Variants in HDAC9 observed in about 807,000 individuals in gnomAD.
HDAC9 encodes the protein MEF-2 interacting transcription repressor (MITR) protein.
In HDAC9, 41 loss-of-function variants were observed where a neutral mutation model predicts 139.4. The ratio of observed to expected loss-of-function variants is 0.29; its 90% CI spans 0.23 to 0.38. The LOEUF (loss-of-function observed/expected upper bound fraction) is 0.38, where lower values mean the gene tolerates loss of function less well. Ranked by LOEUF, HDAC9 falls within the 10% of genes least tolerant of loss-of-function variation. The pLI is 1.00. For missense variants in HDAC9, 1,147 were observed against 1,297.0 expected (o/e 0.88, Z 1.78); for synonymous variants, 517 against 476.2 (o/e 1.09, Z -1.12).
intron 5 of HDAC9, among the ~76,000 whole-genome samples, chr7:18,593,201 G>T (rs969806268): frequency 6.6e-6 from 1 of 151,956 alleles, no homozygotes; most frequent in African/African-American, 2.4e-5. Context: ...TTGTGATGGT[G>T]ATACTATGTC....
At chr7:18,591,761 T>G in intron 5 of HDAC9, 119 bp downstream of exon 5, 1 of 1,313,886 alleles carries the variant, frequency 7.6e-7, no homozygotes, top group Admixed American at 2.3e-5. Flanking sequence ...GTGGGCAAGT[T>G]CCTTCAGTTC....
At chr7:18,487,736 C>G (rs1347176258) in intron 1 of HDAC9, among the ~76,000 whole-genome samples, 1 of 152,014 alleles carries the variant, frequency 6.6e-6, no homozygotes, top group Non-Finnish European at 1.5e-5. Flanking sequence ...GCAACATTAA[C>G]CAAAAGTTGT....
intron 1 of HDAC9, among the ~76,000 whole-genome samples, chr7:18,152,612 G>C (rs1303268081): frequency 1.3e-5 from 2 of 152,100 alleles, no homozygotes; most frequent in Non-Finnish European, 2.9e-5. Context: ...GGGGTTCTTG[G>C]ACTGTACTCT....
intron 23 of HDAC9, chr7:18,949,593 A>T (rs1011789566): frequency 2.7e-5 from 5 of 187,878 alleles, no homozygotes; most frequent in Non-Finnish European, 5.7e-5. Flanking sequence ...ACGATGTGCA[A>T]TTCATCATAG....
chr7:18,979,479 C>T (rs1784758388), intron 25 of HDAC9, among the ~76,000 whole-genome samples: 1 of 152,074 alleles, frequency 6.6e-6, no homozygotes, highest in South Asian at 2.1e-4. Context: ...TTCTATGATA[C>T]CATTATGTTA....
At chr7:18,566,296 A>T (rs909223102) in intron 2 of HDAC9, among the ~76,000 whole-genome samples, 3 of 152,332 alleles carry the variant, frequency 2.0e-5, no homozygotes, top group Admixed American at 2.0e-4. Context: ...GTAGTTTTTA[A>T]TTAGATAAAG....
At position 18,751,554 on chromosome 7, in the gene HDAC9, T is replaced by C. The variant is rs189966648; in HGVS notation, c.2043+2416T>C. Among the ~76,000 whole-genome samples, 163 of 152,048 alleles carry C rather than the reference T, an allele frequency of 1.1e-3. 3 individuals carry two copies. Among genetic ancestry groups the C allele is most frequent in the Non-Finnish European group, 2.1e-4 (14 of 68,000 alleles). ...ATTAGCGAAGAAAGTATTGCCCATA[T>C]AAATTTATTTACTTTATGAAATTAT... is the stretch of plus-strand genomic sequence containing the variant. On this transcript the variant is annotated intron_variant, in intron 14 of 25. Transcript: ENST00000686413.
chr7:18,381,282 AC>A (rs1369054276), intron 1 of HDAC9, among the ~76,000 whole-genome samples: 1 of 151,760 alleles, frequency 6.6e-6, no homozygotes, highest in African/African-American at 2.4e-5. Context: ...TGTTAGAAAC[AC>A]AATTTTATTC....
intron 22 of HDAC9, among the ~76,000 whole-genome samples, chr7:18,905,724 C>G (rs1285142231): frequency 1.3e-5 from 2 of 152,152 alleles, no homozygotes; most frequent in African/African-American, 4.8e-5. Flanking sequence ...TGTAACATTC[C>G]AATTTCTAGA....
intron 2 of HDAC9, among the ~76,000 whole-genome samples, chr7:18,512,017 C>CAAAAAAAAA (rs11337572): frequency 1.0e-5 from 1 of 96,578 alleles, no homozygotes; most frequent in Non-Finnish European, 2.0e-5. Flanking sequence ...ATGAATTAAG[C>CAAAAAAAAA]AAAAAAAAAA....
Position 18,305,051 on chromosome 7 carries a change from T to C in HDAC9, c.-42+14536T>C, listed in dbSNP as rs1798818846. Among the ~76,000 whole-genome samples the C allele has an allele frequency of 2.0e-5, 3 of 152,192 alleles. No homozygotes were observed. In the South Asian group the frequency reaches 6.2e-4, roughly 32 times the overall value. ...ATAGGATAAGAAATCAGTTTTTTGCTCACACACTCTTCCTTCAGGGCAGGA... is the reference window on the plus strand; with the variant it reads ...ATAGGATAAGAAATCAGTTTTTTGCCCACACACTCTTCCTTCAGGGCAGGA... On this transcript the variant is annotated intron_variant, in intron 1 of 3. Transcript: ENST00000413509.
chr7:18,396,384 T>G (rs1447388422), intron 1 of HDAC9, among the ~76,000 whole-genome samples: 1 of 152,034 alleles, frequency 6.6e-6, no homozygotes, highest in African/African-American at 2.4e-5. Flanking sequence ...TGTAGAAGGG[T>G]GGAGGGATAG....
chr7:18,809,915 C>A (rs1217241583), intron 17 of HDAC9, among the ~76,000 whole-genome samples: 1 of 151,892 alleles, frequency 6.6e-6, no homozygotes, highest in Non-Finnish European at 1.5e-5. Flanking sequence ...TGTCATCTGC[C>A]CTCTCATGCT....
intron 2 of HDAC9, among the ~76,000 whole-genome samples, chr7:18,205,953 C>A (rs1470434297): frequency 6.6e-6 from 1 of 151,890 alleles, no homozygotes; most frequent in East Asian, 1.9e-4. Flanking sequence ...TTGGTAATAC[C>A]TTTGGGATTT....
intron 1 of HDAC9, among the ~76,000 whole-genome samples, chr7:18,332,188 G>T (rs1462622254): frequency 6.6e-6 from 1 of 151,638 alleles, no homozygotes; most frequent in Non-Finnish European, 1.5e-5. Flanking sequence ...TTCATTTAGA[G>T]ATTTTCAAAC....
intron 1 of HDAC9, among the ~76,000 whole-genome samples, chr7:18,291,939 C>T (rs996082522): frequency 6.6e-6 from 1 of 152,112 alleles, no homozygotes; most frequent in Non-Finnish European, 1.5e-5. Flanking sequence ...TTAGGCAACA[C>T]TGTTGGGCCT....
intron 1 of HDAC9, among the ~76,000 whole-genome samples, chr7:18,146,241 G>T (rs926923919): frequency 6.6e-6 from 1 of 152,042 alleles, no homozygotes; most frequent in African/African-American, 2.4e-5. Flanking sequence ...TGTTTCTTAG[G>T]TAATAGTTTT....
intron 2 of HDAC9, among the ~76,000 whole-genome samples, chr7:18,556,273 G>C (rs1818771174): frequency 6.6e-6 from 1 of 151,988 alleles, no homozygotes; most frequent in Non-Finnish European, 1.5e-5. Flanking sequence ...GACAAAAACA[G>C]TTACAAAGAT....
In HDAC9 at chr7:18,830,293, G is replaced by A. The variant is rs73312683; in HGVS notation, c.2466+745G>A. Among the ~76,000 whole-genome samples, 1,316 of 152,266 alleles carry A rather than the reference G, an allele frequency of 8.6e-3. 21 individuals are homozygous for A. Among genetic ancestry groups the A allele is most frequent in the African/African-American group, 0.029 (1,212 of 41,540 alleles). ...AAGTGAATGGTGATTTATGAGCCCC[G>A]TTTTCAGTTTGCCTCCAGTTCTCAA... is the stretch of plus-strand genomic sequence containing the variant. On this transcript the variant is annotated intron_variant, in intron 19 of 25. Coordinates refer to ENST00000686413, the MANE Select transcript of HDAC9 (RefSeq NM_178425.4).
Sources: gnomAD v4.1 joint callset for allele counts (sites outside exome capture counted in the v4.1 genomes callset) on GRCh38, gnomAD v4.1.1 for gene constraint, MANE v1.5 for transcripts, NCBI Gene and HGNC (gene_info 2026-07-23, HGNC 2026-07-21) for gene names.